GCSAML: variants seen among roughly 807,000 people sequenced by gnomAD.
The protein encoded by GCSAML is germinal center associated signaling and motility like, also known as germinal center-associated signaling and motility-like protein.
In GCSAML, 9 loss-of-function variants were observed where a neutral mutation model predicts 13.0. That is an observed-to-expected ratio of 0.69 (90% CI 0.42 to 1.21). The LOEUF is 1.21. GCSAML is among the 50% of genes most tolerant of loss of function. The pLI is 0.00. For synonymous variants in GCSAML, 37 were observed against 52.9 expected, an observed-to-expected ratio of 0.70 and a Z score of 1.31; for missense variants, 143 against 153.4, an observed-to-expected ratio of 0.93 and a Z score of 0.36.
chr1:247,574,411 G>C lies in GCSAML; in HGVS notation c.*29G>C, dbSNP rs1248562384. On this transcript the variant is annotated 3_prime_UTR_variant, in exon 5 of 5. Coordinates refer to ENST00000366488, the MANE Select transcript of GCSAML (RefSeq NM_145278.5). ...CCTCAAGCTGCTTTATCACCTTCCA[G>C]CAATGAAGACAATGCAGAATAGCAG... 6.2e-7 allele frequency: 1 copy of C among 1,610,280 alleles called. No homozygotes were observed. The highest frequency in any genetic ancestry group is 8.5e-7 in the Non-Finnish European group (1 of 1,178,048).
intron 1 of GCSAML, among the ~76,000 whole-genome samples, chr1:247,518,030 C>T (rs910241033): frequency 2.6e-5 from 4 of 152,206 alleles, no homozygotes; most frequent in African/African-American, 9.6e-5. Flanking sequence ...ACTCCCACTT[C>T]CTCAGCGACC....
chr1:247,537,693 G>A (rs1028155184), intron 2 of GCSAML, among the ~76,000 whole-genome samples: 3 of 151,240 alleles, frequency 2.0e-5, no homozygotes, highest in Admixed American at 1.3e-4. Flanking sequence ...TATGGCCATC[G>A]TAGTGGATAC....
At chr1:247,549,698 G>T (rs1229780124) in intron 1 of GCSAML, among the ~76,000 whole-genome samples, 1 of 152,122 alleles carries the variant, frequency 6.6e-6, no homozygotes, top group Non-Finnish European at 1.5e-5. Flanking sequence ...TCGTGGGTTG[G>T]TATGAGAATG....
chr1:247,548,853 G>A (rs1267397614), upstream of GCSAML, among the ~76,000 whole-genome samples: 1 of 152,210 alleles, frequency 6.6e-6, no homozygotes, highest in African/African-American at 2.4e-5. This position sits in a 1 kb window ranked among gnomAD's most constrained non-coding sequence, Gnocchi z 5.3. Flanking sequence ...TGCAATACTA[G>A]AATTTCCTTG....
intron 2 of GCSAML, 122 bp from the exon 3 acceptor site, chr1:247,563,468 A>G: frequency 1.8e-6 from 1 of 564,728 alleles, no homozygotes. Context: ...AATTGTATTT[A>G]ATATTTGCAT....
At chr1:247,564,946 C>A (rs892800102) in intron 3 of GCSAML, among the ~76,000 whole-genome samples, 28 of 152,158 alleles carry the variant, frequency 1.8e-4, no homozygotes, top group Admixed American at 1.2e-3. Context: ...CCATTCAGAA[C>A]ATAGGAATGA....
intron 1 of GCSAML, among the ~76,000 whole-genome samples, chr1:247,520,154 A>T (rs536122972): frequency 6.6e-5 from 10 of 152,360 alleles, no homozygotes; most frequent in African/African-American, 2.4e-4. Context: ...ATTTCCATGA[A>T]CTACTTAGTT....
At chr1:247,557,345 A>G (rs1424952567) in intron 2 of GCSAML, among the ~76,000 whole-genome samples, 2 of 152,154 alleles carry the variant, frequency 1.3e-5, no homozygotes, top group Non-Finnish European at 2.9e-5. Context: ...CTTGCAAGAC[A>G]CTCAATGGAA....
chr1:247,571,650 A>G (rs145570296), intron 4 of GCSAML, among the ~76,000 whole-genome samples: 413 of 152,044 alleles, frequency 2.7e-3, no homozygotes, highest in Non-Finnish European at 4.9e-3. Context: ...CTTCATTTCA[A>G]CGTCGGTGAA....
At chr1:247,538,730 G>C (rs1314687791) in intron 2 of GCSAML, 1 of 456,414 alleles carries the variant, frequency 2.2e-6, no homozygotes, top group South Asian at 1.5e-5. Context: ...AGCTGGAAGG[G>C]AAGCGTCATC....
rs572950792 is a variant in GCSAML at position 247,535,482 on chromosome 1, A to G, written c.-148+8428A>G. Among the ~76,000 whole-genome samples, 3 of 152,364 alleles carry G rather than the reference A, an allele frequency of 2.0e-5. No homozygotes were observed. In the South Asian group the frequency reaches 6.2e-4, roughly 32 times the overall value. ...GGTGTACTGTATATAGAGTCACCGC[A>G]GGTGAGCTGAAAAACAACAGGTTAA... On this transcript the variant is annotated intron_variant, in intron 2 of 5. Transcript: ENST00000366489.
intron 4 of GCSAML, among the ~76,000 whole-genome samples, chr1:247,573,572 A>G (rs1668714773): frequency 6.6e-6 from 1 of 152,184 alleles, no homozygotes; most frequent in Non-Finnish European, 1.5e-5. Context: ...TTGGAAATGC[A>G]GAAATCACCC....
chr1:247,554,772 A>G (rs556686655), intron 1 of GCSAML, among the ~76,000 whole-genome samples: 69 of 152,258 alleles, frequency 4.5e-4, no homozygotes, highest in Middle Eastern at 3.4e-3. Context: ...ATCATGTGCA[A>G]ATTGTTGATT....
At chr1:247,565,896 C>A (rs1425117430) in intron 3 of GCSAML, 35 bp from the exon 4 acceptor site, 3 of 1,496,660 alleles carry the variant, frequency 2.0e-6, no homozygotes, top group Admixed American at 2.2e-5. Flanking sequence ...CAGTGCTTTC[C>A]TTTCTTTCTT....
chr1:247,539,283 C>T (rs1025297494), intron 2 of GCSAML, among the ~76,000 whole-genome samples: 1 of 152,286 alleles, frequency 6.6e-6, no homozygotes. Context: ...CTTCATAGCA[C>T]ACATGTTCAC....
chr1:247,568,435 A>T (rs1044722892), intron 4 of GCSAML, among the ~76,000 whole-genome samples: 1 of 151,050 alleles, frequency 6.6e-6, no homozygotes. Context: ...ATAGTGAATC[A>T]TTTCCCCATT....
intron 4 of GCSAML, among the ~76,000 whole-genome samples, chr1:247,572,759 G>A (rs1334986001): frequency 6.6e-6 from 1 of 152,248 alleles, no homozygotes; most frequent in African/African-American, 2.4e-5. Flanking sequence ...GCTCTCTTCA[G>A]AGCCAACAGG....
Position 247,574,823 on chromosome 1 carries a change from A to C in GCSAML, c.*441A>C, listed in dbSNP as rs1429579150. On this transcript the variant is annotated 3_prime_UTR_variant, in exon 5 of 5. Coordinates refer to ENST00000366488, the MANE Select transcript of GCSAML (RefSeq NM_145278.5). ...ACCCCTTCCCTTTTGGAGTTTATGC[A>C]CAAGTGACCAGGATGAGTCATAAGA... 1 of 188,380 alleles carries C rather than the reference A, an allele frequency of 5.3e-6. No homozygotes were observed. Among genetic ancestry groups the C allele is most frequent in the South Asian group, 1.1e-4 (1 of 9,398 alleles). 11.7% of individuals were successfully genotyped at this position (188,380 alleles called of 1,614,324 possible).
chr1:247,553,045 C>T (rs547430707), intron 1 of GCSAML, among the ~76,000 whole-genome samples: 59 of 152,246 alleles, frequency 3.9e-4, no homozygotes, highest in African/African-American at 1.4e-3. Flanking sequence ...TGAGCCACTG[C>T]GCCTGGTCTA....
Sources: gnomAD v4.1 joint callset for allele counts (sites outside exome capture counted in the v4.1 genomes callset) on GRCh38, gnomAD v4.1.1 for gene constraint, Gnocchi (gnomAD v3.1) non-coding constraint, MANE v1.5 for transcripts, NCBI Gene and HGNC (gene_info 2026-07-23, HGNC 2026-07-21) for gene names.